The following KIAA1217 variants were observed in gnomAD, a reference collection of about 807,000 sequenced individuals.
KIAA1217 encodes the protein KIAA1217.
Under a neutral mutation model 163.9 loss-of-function variants are expected in KIAA1217, and 88 were observed. That is an observed-to-expected ratio of 0.54 (90% CI 0.45 to 0.64). The LOEUF (loss-of-function observed/expected upper bound fraction) is 0.64, where lower values mean the gene tolerates loss of function less well. KIAA1217 is among the 30% of genes least tolerant of loss of function. The pLI is 0.00. For missense variants in KIAA1217, 2,372 were observed against 2,475.0 expected (o/e 0.96, Z 0.88); for synonymous variants, 903 against 923.1 (o/e 0.98, Z 0.39).
intron 2 of KIAA1217, among the ~76,000 whole-genome samples, chr10:24,220,446 CTTTTTTTTTT>C (rs530992369): frequency 9.0e-4 from 93 of 103,078 alleles, no homozygotes; most frequent in Admixed American, 5.2e-3. Flanking sequence ...TTCTGCTCTT[CTTTTTTTTTT>C]TTTTTTTTTT....
At chr10:24,163,812 C>A (rs1023321925) in intron 2 of KIAA1217, among the ~76,000 whole-genome samples, 1 of 152,108 alleles carries the variant, frequency 6.6e-6, no homozygotes, top group Non-Finnish European at 1.5e-5. Context: ...AAAGACACTC[C>A]CAGGCACATG....
chr10:24,310,182 G>C (rs972299190), intron 2 of KIAA1217, among the ~76,000 whole-genome samples: 2 of 152,118 alleles, frequency 1.3e-5, no homozygotes, highest in African/African-American at 4.8e-5. Context: ...CAAACAAATG[G>C]CTGTCCAACA....
At chr10:24,438,335 C>A in intron 4 of KIAA1217, 51 bp from the exon 5 acceptor site, 1 of 1,349,730 alleles carries the variant, frequency 7.4e-7, no homozygotes, top group Non-Finnish European at 1.1e-6. Flanking sequence ...AGGAAATGGC[C>A]AAAGTCAGGC....
At chr10:24,449,684 A>T in intron 5 of KIAA1217, 3 of 985,474 alleles carry the variant, frequency 3.0e-6, no homozygotes, top group Non-Finnish European at 3.6e-6. Context: ...AGCTGAAAGC[A>T]TTGGAGAGAG....
chr10:24,145,243 G>C (rs959240528), intron 2 of KIAA1217, among the ~76,000 whole-genome samples: 1 of 152,114 alleles, frequency 6.6e-6, no homozygotes, highest in Non-Finnish European at 1.5e-5. Context: ...TCAAAAATCG[G>C]GATAACAATT....
chr10:24,476,254 C>T (rs943697963), intron 6 of KIAA1217, among the ~76,000 whole-genome samples: 2 of 152,162 alleles, frequency 1.3e-5, no homozygotes, highest in African/African-American at 4.8e-5. Flanking sequence ...ACTTAATGTA[C>T]ATCCTTGAGC....
chr10:24,059,367 G>T (rs1442388950), intron 2 of KIAA1217, among the ~76,000 whole-genome samples: 1 of 151,878 alleles, frequency 6.6e-6, no homozygotes, highest in Non-Finnish European at 1.5e-5. Flanking sequence ...ATGTGGCTTT[G>T]GTATGAAGAT....
rs572166278 is a variant in KIAA1217 at position 23,873,478 on chromosome 10, C to T, written c.-320-133747C>T. Among the ~76,000 whole-genome samples, 8 of 152,088 alleles carry T rather than the reference C, an allele frequency of 5.3e-5. No individual in the cohort carries two copies. The South Asian group carries it at 1.7e-3, about 32-fold the overall frequency. On this transcript the variant is annotated intron_variant, in intron 1 of 18. Transcript: ENST00000376462. Reference sequence around the variant, plus strand: ...ATTGAACATACTGCATCCGGCCTTACTCATAAGTTAGGTAATTTACTCCCA... The same window carrying T: ...ATTGAACATACTGCATCCGGCCTTATTCATAAGTTAGGTAATTTACTCCCA...
At chr10:23,979,209 C>T (rs1053291453) in intron 1 of KIAA1217, among the ~76,000 whole-genome samples, 1 of 152,186 alleles carries the variant, frequency 6.6e-6, no homozygotes, top group Non-Finnish European at 1.5e-5. Context: ...TCCCAACATT[C>T]CTTAGACTTA....
chr10:24,534,421 A>AT (rs929840052), intron 16 of KIAA1217, among the ~76,000 whole-genome samples: 1 of 152,134 alleles, frequency 6.6e-6, no homozygotes, highest in African/African-American at 2.4e-5. Flanking sequence ...CTTGTGGATA[A>AT]TTTTTTACAC....
At chr10:24,148,736 C>T (rs2064459914) in intron 2 of KIAA1217, among the ~76,000 whole-genome samples, 2 of 152,128 alleles carry the variant, frequency 1.3e-5, no homozygotes, top group African/African-American at 4.8e-5. Context: ...AGAACTATGA[C>T]CCAAATAAGC....
intron 2 of KIAA1217, among the ~76,000 whole-genome samples, chr10:24,365,821 T>C (rs764740005): frequency 6.6e-6 from 1 of 152,172 alleles, no homozygotes; most frequent in Admixed American, 6.5e-5. Context: ...TGTGTTCAAG[T>C]GTTCTTTTTC....
At chr10:24,015,754 C>CAAAA (rs3072771) in intron 2 of KIAA1217, among the ~76,000 whole-genome samples, 1 of 121,046 alleles carries the variant, frequency 8.3e-6, no homozygotes. Context: ...GACTCTGACT[C>CAAAA]AAAAAAAAAA....
At chr10:23,786,887 C>T (rs1262384150) in intron 1 of KIAA1217, among the ~76,000 whole-genome samples, 3 of 152,122 alleles carry the variant, frequency 2.0e-5, no homozygotes, top group African/African-American at 4.8e-5. Context: ...TAACCTTTAC[C>T]GATCATGACA....
Position 24,476,145 on chromosome 10 carries a change from G to A in KIAA1217, c.1679+2085G>A, listed in dbSNP as rs563084101. Among the ~76,000 whole-genome samples, 113 of 152,308 alleles carry A rather than the reference G, an allele frequency of 7.4e-4. 1 individual carries two copies. The South Asian group carries it at 0.018, about 25-fold the overall frequency. On this transcript the variant is annotated intron_variant, in intron 6 of 20. Coordinates refer to ENST00000376454, the MANE Select transcript of KIAA1217 (RefSeq NM_019590.5). ...TAGATGTAATATTCTTTTGGGAATA[G>A]TGCTGAAATTATCAAAATTTTTGGC...
intron 3 of KIAA1217, among the ~76,000 whole-genome samples, chr10:24,402,265 G>T (rs909935637): frequency 2.0e-5 from 3 of 152,104 alleles, no homozygotes; most frequent in Non-Finnish European, 4.4e-5. Flanking sequence ...CCAGCACTTT[G>T]GGAGGCCAAG....
intron 3 of KIAA1217, among the ~76,000 whole-genome samples, chr10:24,402,373 T>A (rs550747772): frequency 6.6e-6 from 1 of 151,624 alleles, no homozygotes; most frequent in Non-Finnish European, 1.5e-5. Flanking sequence ...GCCGGGCGTA[T>A]TGGTGGGCGC....
intron 1 of KIAA1217, among the ~76,000 whole-genome samples, chr10:24,210,298 T>C (rs2067904650): frequency 6.6e-6 from 1 of 152,092 alleles, no homozygotes; most frequent in African/African-American, 2.4e-5. Context: ...AATCCCCCAG[T>C]GAAATGCAGA....
chr10:23,702,197 G>T (rs936601361), intron 1 of KIAA1217, among the ~76,000 whole-genome samples: 1 of 151,312 alleles, frequency 6.6e-6, no homozygotes, highest in Non-Finnish European at 1.5e-5. Flanking sequence ...TAAAAGAGAT[G>T]CAGACAGTAC....
Sources: gnomAD v4.1 joint callset for allele counts (sites outside exome capture counted in the v4.1 genomes callset) on GRCh38, gnomAD v4.1.1 for gene constraint, MANE v1.5 for transcripts, NCBI Gene and HGNC (gene_info 2026-07-23, HGNC 2026-07-21) for gene names.